The following MICAL3 variants were observed in gnomAD, a reference collection of about 807,000 sequenced individuals.
MICAL3 encodes microtubule associated monooxygenase, calponin and LIM domain containing 3.
In MICAL3, 62 loss-of-function variants were observed where a neutral mutation model predicts 207.4. The ratio of observed to expected loss-of-function variants is 0.30; its 90% CI spans 0.24 to 0.37. The LOEUF (loss-of-function observed/expected upper bound fraction) is 0.37, where lower values mean the gene tolerates loss of function less well. MICAL3 is among the 10% of genes least tolerant of loss of function. The pLI, the probability that MICAL3 is intolerant of heterozygous loss-of-function variation, is 1.00. For missense variants in MICAL3, 2,368 were observed against 2,635.6 expected (o/e 0.90, Z 2.22); for synonymous variants, 1,077 against 1,069.3 (o/e 1.01, Z -0.14).
At position 17,960,553 on chromosome 22, in the gene MICAL3, G is replaced by T. The variant is rs146794094; in HGVS notation, c.-74-53667C>A. Among the ~76,000 whole-genome samples the T allele has an allele frequency of 4.5e-3, 693 of 152,308 alleles. 5 individuals carry two copies. Among genetic ancestry groups the T allele is most frequent in the African/African-American group, 0.016 (648 of 41,556 alleles). ...TGGAACACCCCGCCCAGGAGTGTGT[G>T]TGGGAAGGAGACTCCAGGAGCTCTG... On this transcript the variant is annotated intron_variant, in intron 1 of 31. Coordinates refer to ENST00000441493, the MANE Select transcript of MICAL3 (RefSeq NM_015241.3).
intron 1 of MICAL3, among the ~76,000 whole-genome samples, chr22:17,968,477 T>A (rs865990139): frequency 2.6e-5 from 4 of 152,170 alleles, no homozygotes; most frequent in Admixed American, 1.3e-4. Flanking sequence ...CACCAGACCC[T>A]GGCTCGGGCA....
intron 1 of MICAL3, among the ~76,000 whole-genome samples, chr22:17,921,888 C>T (rs1263391478): frequency 1.3e-5 from 2 of 152,160 alleles, no homozygotes; most frequent in Non-Finnish European, 2.9e-5. Context: ...TCTGCTGACA[C>T]TAGGAAACAA....
rs534753507 is a variant in MICAL3 at position 17,895,690 on chromosome 22, CTTTTA to C, written c.1323-285_1323-281del. ...CAACTCAAAAGGTCACACATTTACT[CTTTTA>C]TTTTTTCAAGCATCCCAATATTTAC... On this transcript the variant is annotated intron_variant, in intron 9 of 31. Transcript: ENST00000441493. Among the ~76,000 whole-genome samples, 960 of 152,114 alleles carry C rather than the reference CTTTTA, an allele frequency of 6.3e-3. 5 individuals are homozygous for C. The highest frequency in any genetic ancestry group is 0.027 in the Middle Eastern group (8 of 294).
At chr22:17,955,875 C>T (rs768682198) in intron 1 of MICAL3, among the ~76,000 whole-genome samples, 2 of 152,262 alleles carry the variant, frequency 1.3e-5, no homozygotes, top group East Asian at 1.9e-4. Flanking sequence ...GAGAGATCTC[C>T]GACTCCCCAC....
chr22:17,995,119 T>C (rs1235550468), intron 1 of MICAL3, among the ~76,000 whole-genome samples: 1 of 152,204 alleles, frequency 6.6e-6, no homozygotes, highest in East Asian at 1.9e-4. Context: ...CTTCCACCTT[T>C]CATCAAGGTA....
intron 15 of MICAL3, 94 bp from the exon 16 acceptor site, chr22:17,886,145 G>T (rs566510622): frequency 7.3e-7 from 1 of 1,364,684 alleles, no homozygotes; most frequent in Admixed American, 1.8e-5. Context: ...CCTGGCATGG[G>T]GGCTGGTGGA....
chr22:17,876,075 A>G (rs1426458251), intron 16 of MICAL3, among the ~76,000 whole-genome samples: 1 of 152,142 alleles, frequency 6.6e-6, no homozygotes, highest in Non-Finnish European at 1.5e-5. Flanking sequence ...TCTTCCTTCC[A>G]CTTAGTGCTC....
chr22:17,963,693 G>A (rs1215139163), intron 1 of MICAL3, among the ~76,000 whole-genome samples: 1 of 152,168 alleles, frequency 6.6e-6, no homozygotes, highest in East Asian at 1.9e-4. Flanking sequence ...TTCGCAAGTG[G>A]ATAATAGTCA....
intron 2 of MICAL3, 73 bp downstream of exon 2, chr22:17,906,476 A>G: frequency 1.2e-6 from 2 of 1,610,032 alleles, no homozygotes; most frequent in South Asian, 2.2e-5. Flanking sequence ...GTGAATGGCC[A>G]GAGATGCAAG....
At chr22:17,820,982 A>G (rs1397605285) in intron 25 of MICAL3, among the ~76,000 whole-genome samples, 1 of 144,508 alleles carries the variant, frequency 6.9e-6, no homozygotes, top group Non-Finnish European at 1.5e-5. Context: ...ATTTATAAAC[A>G]TAAATTTTAA....
At position 17,819,942 on chromosome 22, in the gene MICAL3, CAAAAAAAA is replaced by C. The variant is rs58418733; in HGVS notation, c.3532-821_3532-814del. Among the ~76,000 whole-genome samples the C allele has an allele frequency of 1.2e-4, 8 of 67,664 alleles. No individual in the cohort carries two copies. The East Asian group carries it at 3.9e-3, about 33-fold the overall frequency. 44.4% of individuals were successfully genotyped at this position (67,664 alleles called of 152,430 possible). A position where few individuals can be genotyped will look rare whatever the true frequency, so the allele number is the denominator to read the frequency against. On this transcript the variant is annotated intron_variant, in intron 25 of 31. Transcript: ENST00000441493. Reference sequence around the variant, plus strand: ...TGGGTGACAGTGAGAGACTCCATCTCAAAAAAAAAAAAAAAAAAAAAAAAAAAATCCAA... The same window carrying C: ...TGGGTGACAGTGAGAGACTCCATCTCAAAAAAAAAAAAAAAAAAAATCCAA...
intron 16 of MICAL3, among the ~76,000 whole-genome samples, chr22:17,877,360 T>TTAGGGAGGTTAG (rs1928813666): frequency 1.1e-4 from 1 of 9,290 alleles, no homozygotes; most frequent in East Asian, 5.4e-3. Context: ...AGGGAGGTTA[T>TTAGGGAGGTTAG]GGAGGTTAGG....
intron 1 of MICAL3, among the ~76,000 whole-genome samples, chr22:17,921,452 G>C (rs1454247313): frequency 6.6e-6 from 1 of 152,134 alleles, no homozygotes; most frequent in African/African-American, 2.4e-5. Context: ...CATTTCCCTT[G>C]ACTGACACTA....
At chr22:18,003,801 C>T (rs1005422174) in intron 1 of MICAL3, among the ~76,000 whole-genome samples, 2 of 151,628 alleles carry the variant, frequency 1.3e-5, no homozygotes, top group South Asian at 2.1e-4. Flanking sequence ...GATGGAGTCT[C>T]GCTGTGTTGC....
chr22:17,880,500 C>T lies in MICAL3; in HGVS notation c.2241+5378G>A, dbSNP rs117082499. Among the ~76,000 whole-genome samples the T allele has an allele frequency of 3.1e-4, 47 of 152,328 alleles. No homozygotes were observed. The East Asian group carries it at 7.9e-3, about 26-fold the overall frequency. ...GCCTTTAAAATCAGTCACGTTAATA[C>T]GGTCACACTTTAAACAGGCCACCCT... On this transcript the variant is annotated intron_variant, in intron 16 of 31. Coordinates refer to ENST00000441493, the MANE Select transcript of MICAL3 (RefSeq NM_015241.3).
chr22:17,826,489 G>A (rs752382841), intron 22 of MICAL3: 12 of 985,840 alleles, frequency 1.2e-5, no homozygotes, highest in African/African-American at 7.0e-5. Flanking sequence ...CTGCACCGCC[G>A]CGTGGCGTAT....
intron 19 of MICAL3, among the ~76,000 whole-genome samples, chr22:17,854,314 C>G (rs1235950671): frequency 6.6e-6 from 1 of 152,148 alleles, no homozygotes; most frequent in Non-Finnish European, 1.5e-5. Flanking sequence ...AAAGCAGGAT[C>G]CAGCCCAAAA....
At chr22:17,915,111 A>G (rs1342652415) in intron 1 of MICAL3, among the ~76,000 whole-genome samples, 2 of 151,962 alleles carry the variant, frequency 1.3e-5, no homozygotes, top group African/African-American at 2.4e-5. Context: ...AATCCCAAAA[A>G]AAAGCTGTTC....
chr22:17,890,045 A>C (rs1341116358), intron 12 of MICAL3, among the ~76,000 whole-genome samples: 1 of 152,186 alleles, frequency 6.6e-6, no homozygotes, highest in Non-Finnish European at 1.5e-5. Context: ...AATCCTCCTC[A>C]AAAAATTTTT....
Sources: gnomAD v4.1 joint callset for allele counts (sites outside exome capture counted in the v4.1 genomes callset) on GRCh38, gnomAD v4.1.1 for gene constraint, MANE v1.5 for transcripts, NCBI Gene and HGNC (gene_info 2026-07-23, HGNC 2026-07-21) for gene names.